Variants in PRKD1 observed in about 807,000 individuals in gnomAD.
The protein encoded by PRKD1 is serine/threonine-protein kinase D1.
In PRKD1, 63 loss-of-function variants were observed where a neutral mutation model predicts 95.9. The observed-to-expected ratio is 0.66, with a 90% CI of 0.54 to 0.81. The LOEUF (loss-of-function observed/expected upper bound fraction) is 0.81, where lower values mean the gene tolerates loss of function less well. PRKD1 is among the 30% of genes least tolerant of loss of function. PRKD1 has a pLI of 0.00. For missense variants in PRKD1, 1,048 were observed against 1,165.3 expected (o/e 0.90, Z 1.47); for synonymous variants, 425 against 423.1 (o/e 1.00, Z -0.05).
intron 2 of PRKD1, among the ~76,000 whole-genome samples, chr14:29,674,068 C>T (rs1358542303): frequency 6.6e-6 from 1 of 152,048 alleles, no homozygotes; most frequent in Non-Finnish European, 1.5e-5. Flanking sequence ...GGAGCTGTCA[C>T]AAAAAGTTTT....
At chr14:29,889,956 G>A (rs907546181) in intron 1 of PRKD1, among the ~76,000 whole-genome samples, 3 of 152,084 alleles carry the variant, frequency 2.0e-5, no homozygotes, top group South Asian at 2.1e-4. Context: ...CCTATTCTAC[G>A]GCAGACACTT....
chr14:29,872,454 C>T (rs1893142118), intron 1 of PRKD1, among the ~76,000 whole-genome samples: 1 of 151,920 alleles, frequency 6.6e-6, no homozygotes, highest in Non-Finnish European at 1.5e-5. Context: ...CGAGTCAGGA[C>T]CATCCTAGCC....
At chr14:29,888,080 C>T (rs1395534191) in intron 1 of PRKD1, among the ~76,000 whole-genome samples, 1 of 152,044 alleles carries the variant, frequency 6.6e-6, no homozygotes, top group Non-Finnish European at 1.5e-5. Flanking sequence ...GTAAGAGGAT[C>T]ACTTGAGTCC....
At chr14:29,639,661 A>G (rs1880632240) in intron 4 of PRKD1, among the ~76,000 whole-genome samples, 1 of 151,804 alleles carries the variant, frequency 6.6e-6, no homozygotes, top group Non-Finnish European at 1.5e-5. Flanking sequence ...AAAGAAAAAG[A>G]AAGAAAGAAA....
intron 2 of PRKD1, among the ~76,000 whole-genome samples, chr14:29,713,402 G>A (rs1412562174): frequency 6.6e-6 from 1 of 152,134 alleles, no homozygotes; most frequent in African/African-American, 2.4e-5. Context: ...ACCAAAGAAA[G>A]ATCTGGCCTT....
In PRKD1 at chr14:29,586,203, G is replaced by A. The variant is rs1447738737; in HGVS notation, c.2435-7843C>T. ...TAGATGGACATAAATATACAGAAAGGTATCTAATCATAGAGGTATCTGTCC... is the reference window on the plus strand; with the variant it reads ...TAGATGGACATAAATATACAGAAAGATATCTAATCATAGAGGTATCTGTCC... On this transcript the variant is annotated intron_variant, in intron 16 of 17. Transcript: ENST00000331968. 2.0e-5 allele frequency among the ~76,000 whole-genome samples: 3 copies of A among 152,284 alleles called. 1 individual carries two copies. In the South Asian group the frequency reaches 6.2e-4, roughly 32 times the overall value.
intron 1 of PRKD1, among the ~76,000 whole-genome samples, chr14:29,867,061 A>C (rs568774229): frequency 6.6e-6 from 1 of 152,274 alleles, no homozygotes; most frequent in Non-Finnish European, 1.5e-5. Context: ...ATCTGGCTGC[A>C]ATCTTTTATC....
chr14:29,878,372 G>A (rs1045093178), intron 1 of PRKD1, among the ~76,000 whole-genome samples: 3 of 142,526 alleles, frequency 2.1e-5, no homozygotes, highest in African/African-American at 5.4e-5. Context: ...ACCTACACAC[G>A]GAATTACCAC....
At chr14:29,868,331 A>AT (rs1892981848) in intron 1 of PRKD1, among the ~76,000 whole-genome samples, 3 of 152,324 alleles carry the variant, frequency 2.0e-5, no homozygotes, top group African/African-American at 7.2e-5. Context: ...GCATTCTTCA[A>AT]AAGATGCCAC....
At chr14:29,700,933 C>T (rs1331194685) in intron 2 of PRKD1, among the ~76,000 whole-genome samples, 1 of 133,674 alleles carries the variant, frequency 7.5e-6, no homozygotes, top group Non-Finnish European at 1.6e-5. Context: ...CTCGCTGTCT[C>T]CCTCCCCTTC....
intron 2 of PRKD1, among the ~76,000 whole-genome samples, chr14:29,694,844 G>C (rs192719908): frequency 1.7e-3 from 256 of 152,266 alleles, no homozygotes; most frequent in Admixed American, 4.2e-3. Context: ...GGAATAGCAT[G>C]CACAAAGACC....
intron 1 of PRKD1, among the ~76,000 whole-genome samples, chr14:29,820,229 A>T (rs901052887): frequency 1.3e-5 from 2 of 152,238 alleles, no homozygotes; most frequent in African/African-American, 4.8e-5. Context: ...TGACTCAGTG[A>T]ATATTTATTT....
chr14:29,743,510 A>T (rs1055789058), intron 1 of PRKD1, among the ~76,000 whole-genome samples: 2 of 152,220 alleles, frequency 1.3e-5, no homozygotes, highest in Non-Finnish European at 2.9e-5. Context: ...TTCATAGAAC[A>T]TAAAATTCAC....
chr14:29,672,220 A>C (rs1882890828), intron 2 of PRKD1, among the ~76,000 whole-genome samples: 1 of 152,070 alleles, frequency 6.6e-6, no homozygotes, highest in African/African-American at 2.4e-5. Flanking sequence ...GGGTGCCTGT[A>C]GTCCCAGCTA....
chr14:29,773,435 G>A (rs1018973929), intron 1 of PRKD1, among the ~76,000 whole-genome samples: 1 of 149,072 alleles, frequency 6.7e-6, no homozygotes, highest in Admixed American at 6.7e-5. Context: ...ACTCCAGCAT[G>A]GATGACAGAG....
At chr14:29,773,867 T>G (rs942875574) in intron 1 of PRKD1, among the ~76,000 whole-genome samples, 1 of 152,236 alleles carries the variant, frequency 6.6e-6, no homozygotes, top group Non-Finnish European at 1.5e-5. Context: ...TAAGCGATTA[T>G]GATCAGTAGT....
At chr14:29,789,423 T>C (rs779707371) in intron 1 of PRKD1, among the ~76,000 whole-genome samples, 7 of 152,212 alleles carry the variant, frequency 4.6e-5, no homozygotes, top group Non-Finnish European at 8.8e-5. Context: ...GATATAGCTA[T>C]AGTGCTGGTT....
intron 1 of PRKD1, among the ~76,000 whole-genome samples, chr14:29,782,934 G>T (rs1178909563): frequency 6.6e-6 from 1 of 152,168 alleles, no homozygotes; most frequent in African/African-American, 2.4e-5. Context: ...ATACAAGCAT[G>T]CAATTTGTAT....
chr14:29,618,205 C>A (rs1295639200), intron 13 of PRKD1, among the ~76,000 whole-genome samples: 1 of 151,700 alleles, frequency 6.6e-6, no homozygotes, highest in East Asian at 1.9e-4. Flanking sequence ...AATTCAAAAA[C>A]AATATACATG....
Sources: allele counts gnomAD v4.1 joint callset (sites outside exome capture counted in the v4.1 genomes callset), GRCh38; gene constraint gnomAD v4.1.1; transcripts MANE v1.5; gene names NCBI Gene and HGNC (gene_info 2026-07-23, HGNC 2026-07-21).